The following NT5DC3 variants were observed in gnomAD, a reference collection of about 807,000 sequenced individuals.
NT5DC3 encodes 5'-nucleotidase domain-containing protein 3.
In NT5DC3, 42 loss-of-function variants were observed where a neutral mutation model predicts 67.8. The observed-to-expected ratio is 0.62, with a 90% CI of 0.48 to 0.80. NT5DC3 has a LOEUF of 0.80. Among genes scored for constraint, NT5DC3 ranks in the 30% least tolerant of loss-of-function variants. The pLI is 0.00. For synonymous variants in NT5DC3, 237 were observed against 255.6 expected, an observed-to-expected ratio of 0.93 and a Z score of 0.69; for missense variants, 570 against 696.4, an observed-to-expected ratio of 0.82 and a Z score of 2.04.
chr12:103,764,291 T>C, the NT5DC3 span, among the ~76,000 whole-genome samples: 7 of 152,240 alleles, frequency 4.6e-5, no homozygotes, highest in African/African-American at 1.7e-4. Context: ...GACATTGTTG[T>C]CCAAGATTTT....
intron 13 of NT5DC3, among the ~76,000 whole-genome samples, chr12:103,779,055 G>C (rs1885445444): frequency 1.3e-5 from 2 of 152,164 alleles, no homozygotes; most frequent in Non-Finnish European, 2.9e-5. Context: ...GTTTTACAAG[G>C]TTATTGTGAG....
chr12:103,755,199 C>A, the NT5DC3 span: 1 of 1,501,118 alleles, frequency 6.7e-7, no homozygotes, highest in Non-Finnish European at 9.0e-7. Context: ...CAAAGTGAGA[C>A]TTTATGGGTT....
chr12:103,762,179 C>T, the NT5DC3 span: 1 of 1,529,380 alleles, frequency 6.5e-7, no homozygotes, highest in South Asian at 1.2e-5. Flanking sequence ...TATTTTTATC[C>T]CCACTGGCTC....
chr12:103,758,701 G>T, the NT5DC3 span, among the ~76,000 whole-genome samples: 1 of 152,254 alleles, frequency 6.6e-6, no homozygotes, highest in East Asian at 1.9e-4. Context: ...GGCCAGGGGT[G>T]CAGGGAGTGG....
intron 12 of NT5DC3, 59 bp downstream of exon 12, chr12:103,785,276 G>A: frequency 1.3e-6 from 2 of 1,536,158 alleles, no homozygotes; most frequent in Non-Finnish European, 1.8e-6. Flanking sequence ...AATACCTGAA[G>A]TAACTTTCTA....
intron 2 of NT5DC3, among the ~76,000 whole-genome samples, chr12:103,809,099 C>T (rs1886923620): frequency 6.6e-6 from 1 of 152,228 alleles, no homozygotes. Context: ...CCCCTAACCA[C>T]CACATAATCA....
downstream of NT5DC3, chr12:103,768,923 T>A (rs548621619): frequency 1.3e-5 from 2 of 151,778 alleles, no homozygotes; most frequent in Admixed American, 1.3e-4. Flanking sequence ...TTGATTCCAC[T>A]CAGAGCCTCG....
Position 103,806,387 on chromosome 12 carries a change from CAT to C in NT5DC3, c.469-12_469-11del. The C allele has an allele frequency of 1.3e-6, 2 of 1,579,422 alleles. No individual in the cohort carries two copies. The highest frequency in any genetic ancestry group is 1.7e-6 in the Non-Finnish European group (2 of 1,148,492). ...TCTTCATTAATACTGCCTTTAAAAA[CAT>C]AAACATATGCACATGTAAATAATGT... On this transcript the variant is annotated splice_polypyrimidine_tract_variant and intron_variant, in intron 3 of 13. Transcript: ENST00000392876.
the NT5DC3 span, among the ~76,000 whole-genome samples, chr12:103,765,086 CAAAAAAAAAAAA>C: frequency 9.0e-5 from 6 of 66,548 alleles, no homozygotes; most frequent in East Asian, 3.7e-4. Flanking sequence ...GACTCTGTCT[CAAAAAAAAAAAA>C]AAAAAAAAAA....
intron 5 of NT5DC3, among the ~76,000 whole-genome samples, chr12:103,797,439 C>A (rs7960713): frequency 0.2 from 30,213 of 150,566 alleles, 3,547 homozygotes; most frequent in African/African-American, 0.33. Context: ...CACTGCACAC[C>A]AGCCTGGACA....
At chr12:103,748,597 CACACACAT>C in the NT5DC3 span, among the ~76,000 whole-genome samples, 9,042 of 49,112 alleles carry the variant, frequency 0.18, 297 homozygotes, top group South Asian at 0.23. Context: ...CACACACACA[CACACACAT>C]ACACACACAC....
chr12:103,771,425 A>G (rs1187909033), downstream of NT5DC3: 1 of 152,216 alleles, frequency 6.6e-6, no homozygotes, highest in Admixed American at 6.5e-5. Context: ...ACATGTTTCC[A>G]CCTACATGAA....
chr12:103,789,245 G>A (rs1885934018), intron 9 of NT5DC3, among the ~76,000 whole-genome samples: 1 of 152,138 alleles, frequency 6.6e-6, no homozygotes, highest in South Asian at 2.1e-4. Context: ...CCAACATGAT[G>A]AAACCCCATC....
chr12:103,789,406 A>G (rs1023708918), intron 9 of NT5DC3, among the ~76,000 whole-genome samples: 3 of 150,030 alleles, frequency 2.0e-5, no homozygotes, highest in Non-Finnish European at 4.4e-5. Context: ...CCTGGGCAAC[A>G]AGAGAGAAAC....
At chr12:103,768,225 A>G (rs938335307), downstream of NT5DC3, among the ~76,000 whole-genome samples, 3 of 151,934 alleles carry the variant, frequency 2.0e-5, no homozygotes, top group African/African-American at 7.3e-5. Flanking sequence ...ACCTGAGATC[A>G]GGAGTTCAAG....
chr12:103,805,982 C>T (rs1009693783), intron 4 of NT5DC3, among the ~76,000 whole-genome samples: 2 of 152,094 alleles, frequency 1.3e-5, no homozygotes, highest in African/African-American at 4.8e-5. Context: ...CTCAGCTTGC[C>T]AGCCAGCATC....
At chr12:103,753,275 C>G in the NT5DC3 span, 1 of 1,614,248 alleles carries the variant, frequency 6.2e-7, no homozygotes. Flanking sequence ...ATAAGCTGAC[C>G]TTTGACAAAG....
intron 4 of NT5DC3, among the ~76,000 whole-genome samples, chr12:103,801,808 C>T (rs1265261395): frequency 3.3e-5 from 5 of 152,192 alleles, no homozygotes; most frequent in African/African-American, 9.7e-5. Context: ...AATGGCCACA[C>T]GCAAGGCTCA....
downstream of NT5DC3, chr12:103,770,608 T>A (rs910421800): frequency 6.6e-6 from 1 of 152,118 alleles, no homozygotes; most frequent in Non-Finnish European, 1.5e-5. Flanking sequence ...CTAATGTGGT[T>A]TATTTTTTGT....
Sources: allele counts gnomAD v4.1 joint callset (sites outside exome capture counted in the v4.1 genomes callset), GRCh38; gene constraint gnomAD v4.1.1; transcripts MANE v1.5; gene names NCBI Gene and HGNC (gene_info 2026-07-23, HGNC 2026-07-21).